Variants in NLRP5 observed in about 807,000 individuals in gnomAD.
NLRP5 encodes NACHT, LRR and PYD domains-containing protein 5.
A neutral mutation model predicts 113.1 loss-of-function variants in NLRP5; 93 were observed. That is an observed-to-expected ratio of 0.82 (90% CI 0.70 to 0.98). NLRP5 has a LOEUF of 0.98. Ranked by LOEUF, NLRP5 falls within the 50% of genes least tolerant of loss-of-function variation. NLRP5 has a pLI of 0.00. For synonymous variants in NLRP5, 751 were observed against 600.7 expected (o/e 1.25, Z -3.66); for missense variants, 1,808 against 1,514.3 (o/e 1.19, Z -3.22).
At chr19:55,998,710 G>GTGTGTATATATATATATATA (rs1555762444), upstream of NLRP5, among the ~76,000 whole-genome samples, 40 of 67,810 alleles carry the variant, frequency 5.9e-4, 1 homozygote, top group African/African-American at 1.1e-3. Context: ...ATATGTGTGT[G>GTGTGTATATATATATATATA]TGTGTATATA....
chr19:56,056,514 G>A (rs969349353), intron 13 of NLRP5, among the ~76,000 whole-genome samples: 4 of 151,992 alleles, frequency 2.6e-5, no homozygotes, highest in African/African-American at 7.2e-5. Context: ...CCGAGAACGT[G>A]CCACTGCACT....
chr19:56,026,287 G>T (rs942060974), intron 6 of NLRP5, among the ~76,000 whole-genome samples: 2 of 151,850 alleles, frequency 1.3e-5, no homozygotes, highest in Non-Finnish European at 2.9e-5. Context: ...CCAGCACTTT[G>T]GGAGGCCGAG....
At chr19:55,999,707 T>C (rs1342253639), upstream of NLRP5, 3 of 1,597,566 alleles carry the variant, frequency 1.9e-6, no homozygotes, top group Non-Finnish European at 2.6e-6. Flanking sequence ...GTTCAGTTAC[T>C]TTCCATGGCG....
chr19:56,026,809 C>T (rs1340515651), intron 6 of NLRP5, 104 bp from the exon 7 acceptor site: 4 of 1,197,408 alleles, frequency 3.3e-6, no homozygotes, highest in Non-Finnish European at 4.7e-6. Context: ...CTCCTGACCT[C>T]AGGTGATATG....
intron 6 of NLRP5, among the ~76,000 whole-genome samples, chr19:56,025,750 G>A (rs373667727): frequency 1.8e-4 from 28 of 152,088 alleles, no homozygotes; most frequent in Middle Eastern, 3.4e-3. Flanking sequence ...CCATTGCGTG[G>A]GGGAAACCAA....
At chr19:56,013,148 T>C (rs1214695110) in intron 3 of NLRP5, among the ~76,000 whole-genome samples, 1 of 152,212 alleles carries the variant, frequency 6.6e-6, no homozygotes, top group Non-Finnish European at 1.5e-5. Flanking sequence ...TCAGACACTT[T>C]GTTATATTGT....
At chr19:56,013,596 G>GGTTTGTTTTTTTTTT (rs1555765383) in intron 3 of NLRP5, among the ~76,000 whole-genome samples, 1 of 59,284 alleles carries the variant, frequency 1.7e-5, no homozygotes, top group Non-Finnish European at 2.9e-5. Context: ...GGACATTTGG[G>GGTTTGTTTTTTTTTT]TTTTTTTTTT....
chr19:56,014,012 A>G (rs1247858796), intron 3 of NLRP5, among the ~76,000 whole-genome samples: 1 of 152,054 alleles, frequency 6.6e-6, no homozygotes, highest in Non-Finnish European at 1.5e-5. Context: ...TTGACTTGCA[A>G]TACTTAGGTT....
intron 5 of NLRP5, among the ~76,000 whole-genome samples, chr19:56,019,698 G>C (rs1982541107): frequency 6.6e-6 from 1 of 152,112 alleles, no homozygotes; most frequent in African/African-American, 2.4e-5. Flanking sequence ...ATGGCCAAGA[G>C]TAGTCAAATG....
At chr19:56,013,596 G>GGTTTTCTTTT (rs1555765383) in intron 3 of NLRP5, among the ~76,000 whole-genome samples, 3 of 59,282 alleles carry the variant, frequency 5.1e-5, no homozygotes, top group Non-Finnish European at 8.6e-5. Context: ...GGACATTTGG[G>GGTTTTCTTTT]TTTTTTTTTT....
chr19:56,054,920 C>CT (rs1984073369), intron 13 of NLRP5, among the ~76,000 whole-genome samples: 1 of 151,536 alleles, frequency 6.6e-6, no homozygotes, highest in African/African-American at 2.4e-5. Flanking sequence ...CTGCTTATAA[C>CT]CCTCCATGGC....
At chr19:56,037,844 T>C (rs1983376688) in intron 9 of NLRP5, among the ~76,000 whole-genome samples, 181 bp from the exon 10 acceptor site, 1 of 151,550 alleles carries the variant, frequency 6.6e-6, no homozygotes, top group African/African-American at 2.4e-5. Flanking sequence ...CATGAAAACC[T>C]GAGGGAGGGA....
At chr19:56,014,505 C>T (rs1982331892) in intron 3 of NLRP5, among the ~76,000 whole-genome samples, 1 of 151,448 alleles carries the variant, frequency 6.6e-6, no homozygotes, top group Non-Finnish European at 1.5e-5. Context: ...AATTGCTTAA[C>T]CCAAAATCAG....
chr19:56,052,310 C>G (rs1220592988), intron 12 of NLRP5, among the ~76,000 whole-genome samples: 1 of 151,812 alleles, frequency 6.6e-6, no homozygotes, highest in Non-Finnish European at 1.5e-5. Context: ...TTCTTGTTGC[C>G]CAGGCTGGAG....
upstream of NLRP5, among the ~76,000 whole-genome samples, chr19:55,996,673 G>T (rs1191015885): frequency 6.6e-6 from 1 of 152,056 alleles, no homozygotes; most frequent in Non-Finnish European, 1.5e-5. Context: ...AATCATCCTT[G>T]TTTATGGCTG....
chr19:56,034,318 G>A (rs1040893912), intron 9 of NLRP5, among the ~76,000 whole-genome samples: 13 of 152,236 alleles, frequency 8.5e-5, no homozygotes, highest in African/African-American at 1.7e-4. Context: ...CCCGGCAGGC[G>A]GAGGTTGCAG....
At chr19:56,011,250 T>C (rs188657819) in intron 3 of NLRP5, among the ~76,000 whole-genome samples, 1 of 152,090 alleles carries the variant, frequency 6.6e-6, no homozygotes, top group Non-Finnish European at 1.5e-5. Flanking sequence ...CAAAAAGATA[T>C]ATATTGAATG....
At chr19:56,007,959 C>T (rs1982010102) in intron 2 of NLRP5, among the ~76,000 whole-genome samples, 1 of 131,190 alleles carries the variant, frequency 7.6e-6, no homozygotes, top group Non-Finnish European at 1.7e-5. Context: ...TGCTCTGTCG[C>T]CCAGGCTGGG....
chr19:56,026,016 T>C (rs1025215223), intron 6 of NLRP5, among the ~76,000 whole-genome samples: 1 of 151,988 alleles, frequency 6.6e-6, no homozygotes, highest in Non-Finnish European at 1.5e-5. Flanking sequence ...GCGTAACCCA[T>C]CAGGTCCCCA....
Sources: allele counts gnomAD v4.1 joint callset (sites outside exome capture counted in the v4.1 genomes callset), GRCh38; gene constraint gnomAD v4.1.1; transcripts MANE v1.5; gene names NCBI Gene and HGNC (gene_info 2026-07-23, HGNC 2026-07-21).